The following PPFIA1 variants were observed in gnomAD, a reference collection of about 807,000 sequenced individuals.
PPFIA1 encodes the protein liprin-alpha-1.
In PPFIA1, 25 loss-of-function variants were observed where a neutral mutation model predicts 149.9. The ratio of observed to expected loss-of-function variants is 0.17; its 90% CI spans 0.12 to 0.23. PPFIA1 has a LOEUF of 0.23. Ranked by LOEUF, PPFIA1 falls within the 10% of genes least tolerant of loss-of-function variation. PPFIA1 has a pLI of 1.00. For synonymous variants in PPFIA1, 549 were observed against 552.8 expected (o/e 0.99, Z 0.10); for missense variants, 1,362 against 1,506.5 (o/e 0.90, Z 1.59).
chr11:70,274,069 GATGAT>G (rs2050249236), intron 2 of PPFIA1, among the ~76,000 whole-genome samples: 1 of 152,184 alleles, frequency 6.6e-6, no homozygotes, highest in Admixed American at 6.5e-5. Context: ...TGGATAACAT[GATGAT>G]GCCAACGGTT....
rs2054280463 is a variant in PPFIA1 at position 70,326,287 on chromosome 11, A to G, written c.632A>G (p.Asn211Ser). The change falls in exon 6 of 28, where the codon AAT becomes AGT. Residue 211 changes from asparagine to serine, a missense_variant. Transcript: ENST00000253925. Reference sequence around the variant, plus strand: ...CTAATGATTCTTAAAGAACAGAATAATCAGAAAAAAACTCTAACAGATGGA... The same window carrying G: ...CTAATGATTCTTAAAGAACAGAATAGTCAGAAAAAAACTCTAACAGATGGA... ...KELMILKEQN[N>S]QKKTLTDGVL... 6.2e-7 allele frequency: 1 copy of G among 1,605,348 alleles called. No individual in the cohort carries two copies.
chr11:70,332,174 C>A, intron 9 of PPFIA1, 80 bp downstream of exon 9: 1 of 1,451,006 alleles, frequency 6.9e-7, no homozygotes, highest in Non-Finnish European at 9.1e-7. Context: ...TGTCACTGTT[C>A]TTATTACATC....
intron 2 of PPFIA1, among the ~76,000 whole-genome samples, chr11:70,299,713 C>T (rs2052344779): frequency 6.6e-6 from 1 of 152,086 alleles, no homozygotes. Context: ...CGCTCTTGGC[C>T]CCTCTGCTCC....
At chr11:70,326,208 C>G (rs2054275126) in intron 5 of PPFIA1, 54 bp from the exon 6 acceptor site, 1 of 1,034,690 alleles carries the variant, frequency 9.7e-7, no homozygotes. Context: ...GCTATCTTTA[C>G]TTATTTCTCT....
intron 13 of PPFIA1, 59 bp from the exon 14 acceptor site, chr11:70,339,107 TAACTA>T (rs759108276): frequency 3.1e-6 from 5 of 1,589,526 alleles, no homozygotes; most frequent in Non-Finnish European, 4.3e-6. Flanking sequence ...GATTCTGCCT[TAACTA>T]AAAGAGAGTT....
intron 2 of PPFIA1, among the ~76,000 whole-genome samples, chr11:70,275,952 GTAGATATTCTTTATCAAAATGTAAAAAT>G (rs2050357532): frequency 6.6e-6 from 1 of 152,164 alleles, no homozygotes; most frequent in East Asian, 1.9e-4. Context: ...ACCTGGCCCT[GTAGATATTCTTTATCAAAATGTAAAAAT>G]TCTCCTCTTC....
At chr11:70,342,404 G>A (rs2055389938) in intron 14 of PPFIA1, among the ~76,000 whole-genome samples, 1 of 152,182 alleles carries the variant, frequency 6.6e-6, no homozygotes. Flanking sequence ...TGGCATGAAA[G>A]AATCACCCCT....
At chr11:70,308,898 G>A (rs184348831) in intron 2 of PPFIA1, among the ~76,000 whole-genome samples, 114 of 152,264 alleles carry the variant, frequency 7.5e-4, no homozygotes, top group African/African-American at 2.7e-3. Flanking sequence ...ACTTCAGTCT[G>A]GGTGACAGGG....
chr11:70,343,522 G>A (rs1390533142), intron 14 of PPFIA1, 147 bp from the exon 15 acceptor site: 2 of 684,954 alleles, frequency 2.9e-6, no homozygotes, highest in Non-Finnish European at 4.9e-6. Context: ...AATACTGCCT[G>A]CTTCATGTCA....
At chr11:70,365,187 G>T in intron 21 of PPFIA1, 1 of 240,984 alleles carries the variant, frequency 4.1e-6, no homozygotes. Context: ...TTCTCCTGAT[G>T]GTGTTGACGA....
At chr11:70,318,158 T>C (rs1306820657) in intron 2 of PPFIA1, among the ~76,000 whole-genome samples, 1 of 152,204 alleles carries the variant, frequency 6.6e-6, no homozygotes, top group Non-Finnish European at 1.5e-5. Context: ...TCTCTGTTAG[T>C]GCATCCCGCC....
At chr11:70,378,291 T>C in intron 26 of PPFIA1, 96 bp downstream of exon 26, 1 of 1,467,676 alleles carries the variant, frequency 6.8e-7, no homozygotes, top group Non-Finnish European at 9.0e-7. Context: ...CTATTTAATA[T>C]GTTACAAGGC....
chr11:70,356,297 G>T (rs1377577536), intron 19 of PPFIA1, 43 bp downstream of exon 19: 1 of 1,472,272 alleles, frequency 6.8e-7, no homozygotes, highest in Non-Finnish European at 9.5e-7. Context: ...ATGGTTTTCA[G>T]TTGTGCCTAA....
intron 21 of PPFIA1, among the ~76,000 whole-genome samples, chr11:70,369,190 T>C (rs1315071689): frequency 6.6e-6 from 1 of 152,208 alleles, no homozygotes; most frequent in Non-Finnish European, 1.5e-5. Flanking sequence ...ATGCTTGGAG[T>C]TCCATAAATG....
intron 2 of PPFIA1, among the ~76,000 whole-genome samples, chr11:70,292,262 A>G (rs1030488028): frequency 1.6e-4 from 24 of 152,172 alleles, no homozygotes; most frequent in Non-Finnish European, 2.9e-5. Flanking sequence ...GGAATCACAC[A>G]TGTGAGCCAC....
intron 16 of PPFIA1, 91 bp downstream of exon 16, chr11:70,348,511 T>C: frequency 9.6e-7 from 1 of 1,046,074 alleles, no homozygotes; most frequent in Non-Finnish European, 1.4e-6. Flanking sequence ...GAAAATCAAG[T>C]ACATTCGTTA....
At chr11:70,352,761 CGTGTGG>C (rs2137301541) in intron 16 of PPFIA1, among the ~76,000 whole-genome samples, 2 of 88,234 alleles carry the variant, frequency 2.3e-5, no homozygotes, top group South Asian at 4.1e-4. Flanking sequence ...GGGAGGGCGG[CGTGTGG>C]AGGTGTCGGA....
chr11:70,319,112 C>T (rs1333686622), intron 2 of PPFIA1, among the ~76,000 whole-genome samples: 2 of 152,228 alleles, frequency 1.3e-5, no homozygotes, highest in Non-Finnish European at 2.9e-5. Flanking sequence ...CATACTCTTC[C>T]CGTAGTCACT....
chr11:70,350,916 A>G, intron 16 of PPFIA1: 1 of 836,754 alleles, frequency 1.2e-6, no homozygotes. Flanking sequence ...ATTTGCTTAT[A>G]CTGATCCTTG....
Sources: allele counts gnomAD v4.1 joint callset (sites outside exome capture counted in the v4.1 genomes callset), GRCh38; gene constraint gnomAD v4.1.1; transcripts MANE v1.5; gene names NCBI Gene and HGNC (gene_info 2026-07-23, HGNC 2026-07-21).